STK32C: variants seen among roughly 807,000 people sequenced by gnomAD.
The protein encoded by STK32C is serine/threonine kinase 32C.
A neutral mutation model predicts 56.5 loss-of-function variants in STK32C; 31 were observed. The ratio of observed to expected loss-of-function variants is 0.55; its 90% confidence interval spans 0.41 to 0.74. STK32C has a LOEUF of 0.74. STK32C is among the 30% of genes least tolerant of loss of function. STK32C has a pLI of 0.00. For missense variants in STK32C, 544 were observed against 676.9 expected, an observed-to-expected ratio of 0.80 and a Z score of 2.18; for synonymous variants, 309 against 289.4, an observed-to-expected ratio of 1.07 and a Z score of -0.69.
At chr10:132,274,321 C>A (rs2064932366) in intron 1 of STK32C, among the ~76,000 whole-genome samples, 1 of 152,194 alleles carries the variant, frequency 6.6e-6, no homozygotes, top group Non-Finnish European at 1.5e-5. Context: ...CCATCCCACA[C>A]CAAATGTGGG....
At chr10:132,247,669 G>A (rs1332094274) in intron 1 of STK32C, among the ~76,000 whole-genome samples, 2 of 152,184 alleles carry the variant, frequency 1.3e-5, no homozygotes, top group South Asian at 2.1e-4. Flanking sequence ...CCTGGGTGAA[G>A]TGGGAGGGCA....
At chr10:132,227,825 GA>G (rs1371501342) in intron 3 of STK32C, 151 bp downstream of exon 3, 3 of 1,001,298 alleles carry the variant, frequency 3.0e-6, no homozygotes, top group Non-Finnish European at 1.5e-6. Flanking sequence ...CAGGAAGGGG[GA>G]TAGATGAGGA....
At chr10:132,326,110 G>T (rs2066494373) in intron 1 of STK32C, among the ~76,000 whole-genome samples, 1 of 152,152 alleles carries the variant, frequency 6.6e-6, no homozygotes, top group African/African-American at 2.4e-5. Flanking sequence ...CATCTCTTCA[G>T]GATCGGGGAG....
Position 132,254,408 on chromosome 10 carries a change from G to T in STK32C, c.263-8453C>A, listed in dbSNP as rs192485284. On this transcript the variant is annotated intron_variant, in intron 1 of 11. Transcript: ENST00000298630. The stretch of plus-strand genomic sequence containing the variant: ...TCCCAATGAGGACAGCAAAAGAAGA[G>T]AGGAGAGTAAAATAAGCCTGCCGCA... Among the ~76,000 whole-genome samples, 4 of 152,298 alleles carry T rather than the reference G, an allele frequency of 2.6e-5. No homozygotes were observed. In the East Asian group the frequency reaches 7.7e-4, roughly 29 times the overall value.
exon 1 of STK32C, chr10:132,331,743 C>G (rs2066758071): frequency 2.5e-6 from 4 of 1,611,974 alleles, no homozygotes; most frequent in African/African-American, 1.3e-5. Flanking sequence ...GCATCCCGCT[C>G]TCTTCCTTCC....
intron 1 of STK32C, among the ~76,000 whole-genome samples, chr10:132,266,836 C>CTGA (rs1345951853): frequency 6.6e-6 from 1 of 151,942 alleles, no homozygotes; most frequent in Non-Finnish European, 1.5e-5. Flanking sequence ...GAGAGCATCA[C>CTGA]ACAAGCAGGA....
chr10:132,284,642 C>T lies in STK32C; in HGVS notation c.262+22930G>A, dbSNP rs540619390. On this transcript the variant is annotated intron_variant, in intron 1 of 11. Coordinates refer to ENST00000298630, the MANE Select transcript of STK32C (RefSeq NM_173575.4). ...CCAGGCATGAACCCAGAACACATTC[C>T]CACATCTGCCCAAAGACCAGGCATG... 8.7e-3 allele frequency among the ~76,000 whole-genome samples: 1,324 copies of T among 151,722 alleles called. 12 individuals carry two copies. The highest frequency in any genetic ancestry group is 0.017 in the Middle Eastern group (5 of 294).
chr10:132,306,252 C>A (rs1318716863), intron 1 of STK32C, among the ~76,000 whole-genome samples: 1 of 152,244 alleles, frequency 6.6e-6, no homozygotes, highest in African/African-American at 2.4e-5. Flanking sequence ...GTTTCTCAGA[C>A]GTTCTCTCAA....
Position 132,217,989 on chromosome 10 carries a change from C to T in STK32C, c.1251+4652G>A, listed in dbSNP as rs573474978. 4.6e-5 allele frequency among the ~76,000 whole-genome samples: 7 copies of T among 152,298 alleles called. No homozygotes were observed. The South Asian group carries it at 1.5e-3, about 32-fold the overall frequency. On this transcript the variant is annotated intron_variant, in intron 10 of 11. Coordinates refer to ENST00000298630, the MANE Select transcript of STK32C (RefSeq NM_173575.4). ...TCCTGGACTCAAGCAGTCCTCTTGC[C>T]TCAGCCTCCCTGGTCGCTTTAAATG...
chr10:132,213,026 C>A (rs757708129), intron 10 of STK32C, among the ~76,000 whole-genome samples: 4 of 152,206 alleles, frequency 2.6e-5, no homozygotes, highest in Non-Finnish European at 5.9e-5. Context: ...AGGCCCCCAA[C>A]GTTTTGTGGG....
intron 2 of STK32C, among the ~76,000 whole-genome samples, chr10:132,243,014 G>A (rs1220754041): frequency 3.3e-5 from 5 of 152,230 alleles, no homozygotes; most frequent in Admixed American, 6.5e-5. Flanking sequence ...GCCGGGGCTC[G>A]GCATGGGCTT....
At chr10:132,295,372 G>C (rs962656860) in intron 1 of STK32C, among the ~76,000 whole-genome samples, 13 of 152,220 alleles carry the variant, frequency 8.5e-5, no homozygotes, top group African/African-American at 2.7e-4. Flanking sequence ...ATGTGAGAAA[G>C]TGATCAGAAA....
chr10:132,282,154 G>A (rs565977960), intron 1 of STK32C, among the ~76,000 whole-genome samples: 1 of 152,314 alleles, frequency 6.6e-6, no homozygotes, highest in South Asian at 2.1e-4. Context: ...CTACACTTGG[G>A]AAGAGCGGAT....
chr10:132,302,846 T>C (rs937667915), intron 1 of STK32C, among the ~76,000 whole-genome samples: 4 of 152,142 alleles, frequency 2.6e-5, no homozygotes, highest in African/African-American at 4.8e-5. Context: ...CTCTGCTCCA[T>C]GAGCTCCGGC....
chr10:132,281,905 G>GCA (rs2065221094), intron 1 of STK32C, among the ~76,000 whole-genome samples: 1 of 152,240 alleles, frequency 6.6e-6, no homozygotes, highest in African/African-American at 2.4e-5. Context: ...TGGGGTCTGG[G>GCA]GGGAAGAGAG....
chr10:132,293,614 A>G (rs986576741), intron 1 of STK32C, among the ~76,000 whole-genome samples: 1 of 152,222 alleles, frequency 6.6e-6, no homozygotes, highest in Non-Finnish European at 1.5e-5. Flanking sequence ...TGCCGTGGGC[A>G]GAGCTCTTTT....
intron 10 of STK32C, chr10:132,209,315 G>A (rs1294582928): frequency 1.4e-6 from 1 of 710,280 alleles, no homozygotes; most frequent in Non-Finnish European, 2.6e-6. Flanking sequence ...GGATGCCAAG[G>A]CCCAGCTCCC....
chr10:132,242,335 G>A (rs556829593), intron 2 of STK32C, among the ~76,000 whole-genome samples: 80 of 152,206 alleles, frequency 5.3e-4, no homozygotes, highest in African/African-American at 1.9e-3. Context: ...GAGGACGGAA[G>A]GGCACGGGTG....
chr10:132,331,031 T>C (rs2066688446), intron 1 of STK32C, among the ~76,000 whole-genome samples: 1 of 149,778 alleles, frequency 6.7e-6, no homozygotes, highest in African/African-American at 2.5e-5. Context: ...TGAAACCCCG[T>C]CTCTACTAAA....
Sources: allele counts gnomAD v4.1 joint callset (sites outside exome capture counted in the v4.1 genomes callset), GRCh38; gene constraint gnomAD v4.1.1; transcripts MANE v1.5; gene names NCBI Gene and HGNC (gene_info 2026-07-23, HGNC 2026-07-21).